CAVIN1: variants seen among roughly 807,000 people sequenced by gnomAD.
The protein encoded by CAVIN1 is caveolae associated protein 1.
In CAVIN1, 16 loss-of-function variants were observed where a neutral mutation model predicts 24.0. The observed-to-expected ratio is 0.67, with a 90% CI of 0.45 to 1.01. The LOEUF (loss-of-function observed/expected upper bound fraction) is 1.01. CAVIN1 is among the 50% of genes least tolerant of loss of function. The pLI is 0.00. For synonymous variants in CAVIN1, 256 were observed against 256.4 expected (o/e 1.00, Z 0.02); for missense variants, 510 against 551.7 (o/e 0.92, Z 0.76).
rs746135739 is a variant in CAVIN1 at position 42,404,900 on chromosome 17, G to T, written c.960C>A (p.Pro320=). The T allele has an allele frequency of 6.2e-7, 1 of 1,613,972 alleles. No individual in the cohort carries two copies. Among genetic ancestry groups the T allele is most frequent in the African/African-American group, 1.3e-5 (1 of 74,932 alleles). The change falls in exon 2 of 2, where the codon CCC becomes CCA. Residue 320 remains proline, a synonymous_variant. Transcript: ENST00000357037. The stretch of plus-strand genomic sequence containing the variant: ...GGATCTTCTTGACGTGGAAGGTGAA[G>T]GGTGGCACCTTGTAGACCGCGGTCT... ...RSKTAVYKVP[P]FTFHVKKIRE... is the part of the protein sequence containing the mutation.
Position 42,422,847 on chromosome 17 carries a change from C to A in CAVIN1, c.251G>T (p.Gly84Val). ...CTCGCCCTGGATGCTCTGCACTGCGCCCTCCATCTCCGCCTGCCGCTCCTC... is the reference window on the plus strand; with the variant it reads ...CTCGCCCTGGATGCTCTGCACTGCGACCTCCATCTCCGCCTGCCGCTCCTC... ...QLEERQAEMEGAVQSIQGELS... is the reference protein window; with the variant it reads ...QLEERQAEMEVAVQSIQGELS... The change falls in exon 1 of 2, where the codon GGC becomes GTC. Residue 84 changes from glycine to valine, a missense_variant. Gly to Val is a moderately radical substitution (Grantham distance 109). Coordinates refer to ENST00000357037, the MANE Select transcript of CAVIN1 (RefSeq NM_012232.6). 1.2e-6 allele frequency: 2 copies of A among 1,613,784 alleles called. No homozygotes were observed. Among genetic ancestry groups the A allele is most frequent in the Middle Eastern group, 3.3e-4 (2 of 6,062 alleles).
At chr17:42,421,806 G>A (rs2145488602) in intron 1 of CAVIN1, among the ~76,000 whole-genome samples, 1 of 152,160 alleles carries the variant, frequency 6.6e-6, no homozygotes, top group Admixed American at 6.5e-5. Flanking sequence ...CAGGCATGCG[G>A]GGTGATTCAC....
intron 1 of CAVIN1, among the ~76,000 whole-genome samples, chr17:42,417,413 T>G (rs977791889): frequency 6.8e-6 from 1 of 146,950 alleles, no homozygotes; most frequent in African/African-American, 2.5e-5. Flanking sequence ...GAGCCAAGAT[T>G]GTGCCACTGC....
chr17:42,405,149 G>T lies in CAVIN1; in HGVS notation c.711C>A (p.Ser237=). Residue 237 remains serine (S), a synonymous_variant, in exon 2 of 2, where the codon TCC becomes TCA. Coordinates refer to ENST00000357037, the MANE Select transcript of CAVIN1 (RefSeq NM_012232.6). ...RRVDDFKKAF[S]KEKMEKTKVR... is the part of the protein sequence containing the mutation. The stretch of plus-strand genomic sequence containing the variant: ...CCTTGGTCTTCTCCATCTTCTCCTT[G>T]GAGAAGGCCTTCTTGAAGTCGTCCA... 1 of 1,613,428 alleles carries T rather than the reference G, an allele frequency of 6.2e-7. No individual in the cohort carries two copies. Among genetic ancestry groups the T allele is most frequent in the Non-Finnish European group, 8.5e-7 (1 of 1,179,842 alleles).
At chr17:42,421,262 C>A (rs11656652) in intron 1 of CAVIN1, among the ~76,000 whole-genome samples, 77,141 of 151,686 alleles carry the variant, frequency 0.51, 21,426 homozygotes, top group Admixed American at 0.66. Flanking sequence ...ATCTTAACTC[C>A]TCCTGGGGAA....
chr17:42,406,829 A>G (rs2085449542), intron 1 of CAVIN1, among the ~76,000 whole-genome samples: 1 of 152,096 alleles, frequency 6.6e-6, no homozygotes, highest in East Asian at 1.9e-4. Flanking sequence ...AAGAGGAAGA[A>G]GCTGGCTGGG....
intron 1 of CAVIN1, among the ~76,000 whole-genome samples, chr17:42,413,566 GAAAAAAAAAAAAAAAAAA>G (rs60085741): frequency 3.3e-4 from 19 of 56,978 alleles, no homozygotes; most frequent in Admixed American, 1.3e-3. Context: ...CTCAAAAAGG[GAAAAAAAAAAAAAAAAAA>G]AAAAAAAAAA....
At position 42,422,957 on chromosome 17, in the gene CAVIN1, G is replaced by T. The variant is rs1367434298; in HGVS notation, c.141C>A (p.Asp47Glu). ...GAGSEELIKS[D>E]QVNGVLVLSL... is the part of the protein sequence containing the mutation. ...TCAGCACCAGCACGCCGTTCACCTG[G>T]TCCGACTTGATCAGCTCTTCTGAGC... The change falls in exon 1 of 2, where the codon GAC (aspartate) becomes GAA (glutamate). Residue 47 changes from aspartate to glutamate, a missense_variant. Transcript: ENST00000357037. 1.2e-6 allele frequency: 2 copies of T among 1,613,988 alleles called. No individual in the cohort carries two copies. The highest frequency in any genetic ancestry group is 4.5e-5 in the East Asian group (2 of 44,872).
At position 42,423,147 on chromosome 17, in the gene CAVIN1, G is replaced by A. The variant is rs548579969; in HGVS notation, c.-50C>T. ...GGCCGGGTGGGGCTGGAGCTGGAGC[G>A]GGAGACCCGGAGAGAAGCAGGAGCG... On this transcript the variant is annotated 5_prime_UTR_variant, in exon 1 of 2. Transcript: ENST00000357037. 2.2e-5 allele frequency: 30 copies of A among 1,394,672 alleles called. No homozygotes were observed. The highest frequency in any genetic ancestry group is 1.4e-4 in the South Asian group (10 of 72,222). 86.4% of individuals were successfully genotyped at this position (1,394,672 alleles called of 1,614,324 possible). A position where few individuals can be genotyped will look rare whatever the true frequency, so the allele number is the denominator to read the frequency against.
At chr17:42,407,824 T>C (rs776660991) in intron 1 of CAVIN1, among the ~76,000 whole-genome samples, 13 of 152,178 alleles carry the variant, frequency 8.5e-5, no homozygotes, top group Non-Finnish European at 1.9e-4. Context: ...TGAAGGGTGT[T>C]TTCCTTGTTC....
intron 1 of CAVIN1, among the ~76,000 whole-genome samples, chr17:42,407,155 C>T (rs533249902): frequency 6.6e-5 from 10 of 152,046 alleles, no homozygotes; most frequent in African/African-American, 2.2e-4. Context: ...CTCCCTCCCC[C>T]ACCTCCACCC....
chr17:42,405,463 C>T lies in CAVIN1; in HGVS notation c.472-75G>A, dbSNP rs1050772281. On this transcript the variant is annotated intron_variant, in intron 1 of 1. Coordinates refer to ENST00000357037, the MANE Select transcript of CAVIN1 (RefSeq NM_012232.6). ...GGGCGAGCCTGAGTCAGGGTGGTGA[C>T]GATCCTGGAGAGAGGGGAGCATGGG... is the stretch of plus-strand genomic sequence containing the variant. The T allele has an allele frequency of 5.3e-6, 8 of 1,503,750 alleles. No homozygotes were observed. The East Asian group carries it at 9.0e-5, about 17-fold the overall frequency. The allele number at this position is 1,503,750 out of a possible 1,614,324, so 93.2% of individuals were successfully genotyped here.
At chr17:42,417,439 A>G (rs1363319400) in intron 1 of CAVIN1, among the ~76,000 whole-genome samples, 1 of 143,854 alleles carries the variant, frequency 7.0e-6, no homozygotes, top group Non-Finnish European at 1.5e-5. Context: ...AGCCTGAGCA[A>G]CAGAGCGAGA....
rs372057825 is a variant in CAVIN1 at position 42,410,054 on chromosome 17, G to A, written c.472-4666C>T. On this transcript the variant is annotated intron_variant, in intron 1 of 1. Coordinates refer to ENST00000357037, the MANE Select transcript of CAVIN1 (RefSeq NM_012232.6). ...TTCCACTCCACCCCCCAACCCTGCT[G>A]TCTAAACTCGAGATCTGGCTTAGGA... 6.6e-5 allele frequency among the ~76,000 whole-genome samples: 10 copies of A among 152,298 alleles called. No individual in the cohort carries two copies. In the East Asian group the frequency reaches 1.7e-3, roughly 27 times the overall value.
At chr17:42,422,084 C>T (rs1316272072) in intron 1 of CAVIN1, among the ~76,000 whole-genome samples, 2 of 152,096 alleles carry the variant, frequency 1.3e-5, no homozygotes, top group Non-Finnish European at 2.9e-5. Flanking sequence ...AGGAGGTTGG[C>T]GGTCGCGTTC....
chr17:42,414,840 T>A (rs1469832232), intron 1 of CAVIN1, among the ~76,000 whole-genome samples: 1 of 151,772 alleles, frequency 6.6e-6, no homozygotes, highest in Admixed American at 6.6e-5. Context: ...AACATGTCCC[T>A]CTCCTAGGTA....
chr17:42,404,574 G>C lies in CAVIN1; in HGVS notation c.*113C>G, dbSNP rs768574249. 12 of 690,714 alleles carry C rather than the reference G, an allele frequency of 1.7e-5. No individual in the cohort carries two copies. Among genetic ancestry groups the C allele is most frequent in the Admixed American group, 1.2e-4 (3 of 25,592 alleles). The allele number at this position is 690,714 out of a possible 1,614,324, so 42.8% of individuals were successfully genotyped here. On this transcript the variant is annotated 3_prime_UTR_variant, in exon 2 of 2. Transcript: ENST00000357037. ...GGAGTGGAGTTCCTGGAGGTGTGGG[G>C]AGGGGGGCGTGTTTTCAATTTAGAA...
At position 42,405,270 on chromosome 17, in the gene CAVIN1, G is replaced by A. The variant is rs1198309615; in HGVS notation, c.590C>T (p.Ala197Val). 1 of 1,612,938 alleles carries A rather than the reference G, an allele frequency of 6.2e-7. No individual in the cohort carries two copies. Among genetic ancestry groups the A allele is most frequent in the Non-Finnish European group, 8.5e-7 (1 of 1,179,960 alleles). The change falls in exon 2 of 2, where the codon GCG (alanine) becomes GTG (valine). Residue 197 changes from alanine (A) to valine (V), a missense_variant. By Grantham distance (64) the Ala-to-Val change is moderately conservative. Transcript: ENST00000357037. Reference sequence around the variant, plus strand: ...CTCGTCCGACGAAAGCTCCAGCGCCGCTGCGTCCTCCTCGGGCCGCTCGCC... The same window carrying A: ...CTCGTCCGACGAAAGCTCCAGCGCCACTGCGTCCTCCTCGGGCCGCTCGCC... Reference protein sequence around the residue: ...GEGERPEEDAAALELSSDEAV... With the variant: ...GEGERPEEDAVALELSSDEAV...
chr17:42,404,876 G>C lies in CAVIN1; in HGVS notation c.984C>G (p.Ile328Met). 1 of 1,613,992 alleles carries C rather than the reference G, an allele frequency of 6.2e-7. No individual in the cohort carries two copies. The highest frequency in any genetic ancestry group is 8.5e-7 in the Non-Finnish European group (1 of 1,179,912). Residue 328 changes from isoleucine to methionine, a missense_variant, in exon 2 of 2, where the codon ATC becomes ATG. Transcript: ENST00000357037. ...TGAGCACTTCCACCTGGCCCTCGCG[G>C]ATCTTCTTGACGTGGAAGGTGAAGG... ...VPPFTFHVKK[I>M]REGQVEVLKA...
Sources: gnomAD v4.1 joint callset for allele counts (sites outside exome capture counted in the v4.1 genomes callset) on GRCh38, gnomAD v4.1.1 for gene constraint, MANE v1.5 for transcripts, NCBI Gene and HGNC (gene_info 2026-07-23, HGNC 2026-07-21) for gene names.